The following DNAH11 variants were observed in gnomAD, a reference collection of about 807,000 sequenced individuals.
The protein encoded by DNAH11 is axonemal beta dynein heavy chain 11.
In DNAH11, 442 loss-of-function variants were observed where a neutral mutation model predicts 526.0. That is an observed-to-expected ratio of 0.84 (90% CI 0.78 to 0.91). The LOEUF (loss-of-function observed/expected upper bound fraction) is 0.91. Ranked by LOEUF, DNAH11 falls within the 40% of genes least tolerant of loss-of-function variation. The pLI, the probability that DNAH11 is intolerant of heterozygous loss-of-function variation, is 0.00. For synonymous variants in DNAH11, 2,461 were observed against 1,935.9 expected, an observed-to-expected ratio of 1.27 and a Z score of -7.12; for missense variants, 6,989 against 5,448.7, an observed-to-expected ratio of 1.28 and a Z score of -8.90.
At chr7:21,725,556 C>T (rs532237922) in intron 44 of DNAH11, among the ~76,000 whole-genome samples, 3 of 152,278 alleles carry the variant, frequency 2.0e-5, no homozygotes, top group Admixed American at 2.0e-4. Context: ...GTGAACACCA[C>T]CGTTACAATA....
At chr7:21,830,939 A>G (rs1479926977) in intron 65 of DNAH11, among the ~76,000 whole-genome samples, 1 of 152,184 alleles carries the variant, frequency 6.6e-6, no homozygotes, top group Non-Finnish European at 1.5e-5. Context: ...CAAACCAGCA[A>G]ATCTCAGCCA....
chr7:21,889,169 C>T (rs552632803), intron 76 of DNAH11, among the ~76,000 whole-genome samples: 3 of 152,126 alleles, frequency 2.0e-5, no homozygotes, highest in African/African-American at 7.2e-5. Flanking sequence ...CAATATGTAG[C>T]CTTCTTTCAC....
At chr7:21,594,063 T>TACACACAC (rs59727118) in intron 14 of DNAH11, among the ~76,000 whole-genome samples, 16,052 of 137,330 alleles carry the variant, frequency 0.12, 1,194 homozygotes, top group East Asian at 0.32. Context: ...CATACACACA[T>TACACACAC]ACACACACAC....
chr7:21,634,959 AT>A (rs1185983942), intron 25 of DNAH11, among the ~76,000 whole-genome samples: 1 of 152,216 alleles, frequency 6.6e-6, no homozygotes, highest in Non-Finnish European at 1.5e-5. Flanking sequence ...TTTTCTTTTA[AT>A]TTAAACATGA....
At chr7:21,818,474 C>A in intron 65 of DNAH11, 135 bp downstream of exon 65, 1 of 884,790 alleles carries the variant, frequency 1.1e-6, no homozygotes, top group Non-Finnish European at 1.6e-6. Flanking sequence ...CACCTACACT[C>A]CAAGACCAAA....
At chr7:21,805,849 ATTCT>A (rs1302805866) in intron 62 of DNAH11, among the ~76,000 whole-genome samples, 4 of 152,214 alleles carry the variant, frequency 2.6e-5, no homozygotes, top group Non-Finnish European at 4.4e-5. Context: ...TTCAGGATAA[ATTCT>A]TTCTGACTAG....
In DNAH11 at chr7:21,786,723, C is replaced by A. The variant is rs368450337; in HGVS notation, c.9697C>A (p.Pro3233Thr). Residue 3233 changes from proline (P) to threonine (T), a missense_variant, in exon 59 of 82, where the codon CCC (proline) becomes ACC (threonine). Physicochemically the swap from Pro to Thr is conservative, Grantham distance 38 (BLOSUM62 -1). Transcript: ENST00000409508. ...MVLLAPRGRV[P>T]KDRSWKAAKV... ...CCTTCTGGCTCCTCGGGGAAGAGTG[C>A]CCAAAGACCGAAGTTGGAAAGCAGC... 1 of 1,613,814 alleles carries A rather than the reference C, an allele frequency of 6.2e-7. No homozygotes were observed. The highest frequency in any genetic ancestry group is 8.5e-7 in the Non-Finnish European group (1 of 1,179,760).
chr7:21,758,916 A>G (rs1388373810), intron 54 of DNAH11, among the ~76,000 whole-genome samples: 1 of 152,210 alleles, frequency 6.6e-6, no homozygotes, highest in Non-Finnish European at 1.5e-5. Flanking sequence ...CAGCAGAAAC[A>G]CCATCTACTC....
chr7:21,583,880 A>G (rs930458334), intron 9 of DNAH11, among the ~76,000 whole-genome samples: 2 of 152,238 alleles, frequency 1.3e-5, no homozygotes, highest in African/African-American at 4.8e-5. Flanking sequence ...GTAATGACAT[A>G]CCACCTCATG....
chr7:21,899,015 A>G (rs1784635007), intron 79 of DNAH11, among the ~76,000 whole-genome samples: 1 of 152,214 alleles, frequency 6.6e-6, no homozygotes, highest in African/African-American at 2.4e-5. Context: ...TCCAAGTCAT[A>G]GGGTGATGAC....
intron 45 of DNAH11, among the ~76,000 whole-genome samples, chr7:21,734,378 A>C (rs6979397): frequency 6.6e-6 from 1 of 152,082 alleles, no homozygotes; most frequent in Non-Finnish European, 1.5e-5. Flanking sequence ...TTAAAAGCAA[A>C]TGATGACAAC....
At position 21,725,833 on chromosome 7, in the gene DNAH11, T is replaced by A; in HGVS notation, c.7289T>A (p.Phe2430Tyr). 2 of 1,612,046 alleles carry A rather than the reference T, an allele frequency of 1.2e-6. No homozygotes were observed. Among genetic ancestry groups the A allele is most frequent in the Non-Finnish European group, 8.5e-7 (1 of 1,179,026 alleles). Reference protein sequence around the residue: ...QDQISDYQADFSRWWQKEMKA... With the variant: ...QDQISDYQADYSRWWQKEMKA... ...TAGATTTCTGATTATCAAGCTGACTTCAGTCGGTGGTGGCAGAAAGAGATG... is the reference window on the plus strand; with the variant it reads ...TAGATTTCTGATTATCAAGCTGACTACAGTCGGTGGTGGCAGAAAGAGATG... Residue 2430 changes from phenylalanine to tyrosine, a missense_variant, in exon 45 of 82, where the codon TTC becomes TAC. Phe to Tyr is a conservative substitution (Grantham distance 22, BLOSUM62 3). Transcript: ENST00000409508.
intron 56 of DNAH11, among the ~76,000 whole-genome samples, chr7:21,774,607 G>A (rs1787587070): frequency 6.6e-6 from 1 of 152,156 alleles, no homozygotes; most frequent in Non-Finnish European, 1.5e-5. Flanking sequence ...GTTAAAAAAG[G>A]ATTTCATGAA....
At chr7:21,890,286 C>T (rs60626359) in intron 76 of DNAH11, among the ~76,000 whole-genome samples, 1 of 152,086 alleles carries the variant, frequency 6.6e-6, no homozygotes, top group Non-Finnish European at 1.5e-5. Flanking sequence ...CTTTTGCCTT[C>T]GCTCATTGCC....
intron 30 of DNAH11, among the ~76,000 whole-genome samples, chr7:21,670,867 C>CGTGTGTGTGT (rs59872330): frequency 6.8e-6 from 1 of 147,184 alleles, no homozygotes; most frequent in East Asian, 2.0e-4. Context: ...TAAGTGTGTA[C>CGTGTGTGTGT]GTGTGTGTGT....
Position 21,773,942 on chromosome 7 carries a change from C to A in DNAH11, c.9279C>A (p.Ser3093=). The change falls in exon 56 of 82, where the codon TCC becomes TCA. Residue 3093 remains serine, a synonymous_variant. Transcript: ENST00000409508. ...TGAAGAAGAAGCAAAATGAGGTATC[C>A]GAGAAAAAAGAACGCCTGGTGAACG... ...NLLKKKQNEV[S]EKKERLVNGI... is the part of the protein sequence containing the mutation. 1.3e-6 allele frequency: 2 copies of A among 1,590,078 alleles called. No homozygotes were observed. Among genetic ancestry groups the A allele is most frequent in the East Asian group, 2.3e-5 (1 of 43,834 alleles).
At chr7:21,900,610 C>T (rs766420152) in intron 81 of DNAH11, among the ~76,000 whole-genome samples, 1 of 152,110 alleles carries the variant, frequency 6.6e-6, no homozygotes, top group Non-Finnish European at 1.5e-5. Flanking sequence ...TTAGTCCCTA[C>T]CAAGATGTTC....
intron 30 of DNAH11, among the ~76,000 whole-genome samples, chr7:21,661,205 G>A (rs1445154150): frequency 6.6e-6 from 1 of 151,990 alleles, no homozygotes; most frequent in Admixed American, 6.6e-5. Flanking sequence ...ATTATGGTGG[G>A]AGTGGTATTA....
At chr7:21,811,169 T>A (rs1384710084) in intron 63 of DNAH11, among the ~76,000 whole-genome samples, 1 of 152,054 alleles carries the variant, frequency 6.6e-6, no homozygotes, top group Non-Finnish European at 1.5e-5. Context: ...CTAACTGAAA[T>A]TAGCCAGTCA....
Sources: allele counts gnomAD v4.1 joint callset (sites outside exome capture counted in the v4.1 genomes callset), GRCh38; gene constraint gnomAD v4.1.1; transcripts MANE v1.5; gene names NCBI Gene and HGNC (gene_info 2026-07-23, HGNC 2026-07-21).